The following CACNG1 variants were observed in gnomAD, a reference collection of about 807,000 sequenced individuals.
CACNG1 encodes calcium voltage-gated channel auxiliary subunit gamma 1, also known as voltage-dependent calcium channel gamma-1 subunit.
A neutral mutation model predicts 22.0 loss-of-function variants in CACNG1; 21 were observed. That is an observed-to-expected ratio of 0.95 (90% CI 0.68 to 1.37). The LOEUF (loss-of-function observed/expected upper bound fraction) is 1.37, where lower values mean the gene tolerates loss of function less well. Ranked by LOEUF, CACNG1 falls within the 40% of genes most tolerant of loss-of-function variation. The pLI is 0.00. For missense variants in CACNG1, 291 were observed against 308.6 expected, an observed-to-expected ratio of 0.94 and a Z score of 0.43; for synonymous variants, 127 against 129.2, an observed-to-expected ratio of 0.98 and a Z score of 0.12.
intron 1 of CACNG1, among the ~76,000 whole-genome samples, chr17:67,045,356 T>G (rs1867320522): frequency 6.6e-6 from 1 of 151,918 alleles, no homozygotes; most frequent in Non-Finnish European, 1.5e-5. Flanking sequence ...AGAATGAAAA[T>G]GCAGGGTTCC....
chr17:67,054,196 C>A lies in CACNG1; in HGVS notation c.304+126C>A. ...GCCTGATGAGAAGAAGCCTGTGGTG[C>A]ATTTGAACAACAGCCTTGTCAGCTC... On this transcript the variant is annotated intron_variant, in intron 2 of 3. Coordinates refer to ENST00000226021, the MANE Select transcript of CACNG1 (RefSeq NM_000727.4). This position sits in a 1 kb window ranked among gnomAD's most constrained non-coding sequence, Gnocchi z 4.6. 1.3e-6 allele frequency: 1 copy of A among 744,960 alleles called. No homozygotes were observed. Among genetic ancestry groups the A allele is most frequent in the South Asian group, 1.7e-5 (1 of 60,340 alleles). The allele number at this position is 744,960 out of a possible 1,614,324, so 46.1% of individuals were successfully genotyped here.
rs201378629 is a variant in CACNG1 at position 67,056,085 on chromosome 17, G to A, written c.483G>A (p.Ser161=). 227 of 1,612,492 alleles carry A rather than the reference G, an allele frequency of 1.4e-4. 1 individual carries two copies. Among genetic ancestry groups the A allele is most frequent in the East Asian group, 6.7e-5 (3 of 44,814 alleles). Residue 161 remains serine, a synonymous_variant, in exon 4 of 4, where the codon TCG becomes TCA. Transcript: ENST00000226021. The surrounding 1 kb of genome is among the most constrained non-coding windows in gnomAD (Gnocchi z 4.3). ...TCTCGGTGGAGGTCATGCGGCAGTCGGTGAAGCGCATGATTGACAGTGAGG... is the reference window on the plus strand; with the variant it reads ...TCTCGGTGGAGGTCATGCGGCAGTCAGTGAAGCGCATGATTGACAGTGAGG... ...ILVSVEVMRQ[S]VKRMIDSEDT... is the part of the protein sequence containing the mutation.
Position 67,054,433 on chromosome 17 carries a change from G to A in CACNG1, c.304+363G>A, listed in dbSNP as rs964517865. On this transcript the variant is annotated intron_variant, in intron 2 of 3. Coordinates refer to ENST00000226021, the MANE Select transcript of CACNG1 (RefSeq NM_000727.4). The surrounding 1 kb of genome is among the most constrained non-coding windows in gnomAD (Gnocchi z 4.6). ...GTGATAGTTAGAGTCTGCAGGGACA[G>A]TCTGAGTCCCTCCCTGGCCTAGAAA... 6.6e-6 allele frequency among the ~76,000 whole-genome samples: 1 copy of A among 152,236 alleles called. No homozygotes were observed. Among genetic ancestry groups the A allele is most frequent in the Non-Finnish European group, 1.5e-5 (1 of 68,044 alleles).
chr17:67,054,715 GAC>G lies in CACNG1; in HGVS notation c.305-382_305-381del, dbSNP rs199568856. ...ACACACGCATGATGACACACAAAAT[GAC>G]ACACAGTGACACAGACACACACTGA... is the stretch of plus-strand genomic sequence containing the variant. On this transcript the variant is annotated intron_variant, in intron 2 of 3. Coordinates refer to ENST00000226021, the MANE Select transcript of CACNG1 (RefSeq NM_000727.4). The surrounding 1 kb of genome is among the most constrained non-coding windows in gnomAD (Gnocchi z 4.6). Among the ~76,000 whole-genome samples the G allele has an allele frequency of 3.7e-4, 39 of 104,438 alleles. No homozygotes were observed. In the East Asian group the frequency reaches 8.3e-3, roughly 22 times the overall value. The allele number at this position is 104,438 out of a possible 152,430, so 68.5% of individuals were successfully genotyped here.
At position 67,055,256 on chromosome 17, in the gene CACNG1, T is replaced by C; in HGVS notation, c.442+16T>C. ...GCCTTTGCAGGTAGACTGGGGGATC[T>C]GCCTGAGCGCCGGGGCCGGGGGACC... On this transcript the variant is annotated intron_variant, in intron 3 of 3. Transcript: ENST00000226021. This position sits in a 1 kb window ranked among gnomAD's most constrained non-coding sequence, Gnocchi z 4.5. 1 of 1,606,962 alleles carries C rather than the reference T, an allele frequency of 6.2e-7. No individual in the cohort carries two copies. The highest frequency in any genetic ancestry group is 8.5e-7 in the Non-Finnish European group (1 of 1,174,694).
At position 67,055,301 on chromosome 17, in the gene CACNG1, G is replaced by C. The variant is rs896340966; in HGVS notation, c.442+61G>C. 2.6e-6 allele frequency: 4 copies of C among 1,558,098 alleles called. No homozygotes were observed. The highest frequency in any genetic ancestry group is 2.7e-5 in the African/African-American group (2 of 74,042). ...GGGACCATGTCGCGGGGGATTCTCC[G>C]CTCCACCCTCATGCCCACCGCGAGA... On this transcript the variant is annotated intron_variant, in intron 3 of 3. Coordinates refer to ENST00000226021, the MANE Select transcript of CACNG1 (RefSeq NM_000727.4). This position sits in a 1 kb window ranked among gnomAD's most constrained non-coding sequence, Gnocchi z 4.5.
chr17:67,054,944 GACAC>G lies in CACNG1; in HGVS notation c.305-153_305-150del, dbSNP rs1224750806. On this transcript the variant is annotated intron_variant, in intron 2 of 3. Coordinates refer to ENST00000226021, the MANE Select transcript of CACNG1 (RefSeq NM_000727.4). The surrounding 1 kb of genome is among the most constrained non-coding windows in gnomAD (Gnocchi z 4.6). ...ACACACACAGATACACACATACAATGACACACACAAGACAGACACAGAGACACAC... is the reference window on the plus strand; with the variant it reads ...ACACACACAGATACACACATACAATGACACAAGACAGACACAGAGACACAC... Among the ~76,000 whole-genome samples the G allele has an allele frequency of 6.7e-6, 1 of 149,916 alleles. No homozygotes were observed. Among genetic ancestry groups the G allele is most frequent in the South Asian group, 2.1e-4 (1 of 4,652 alleles).
At position 67,044,664 on chromosome 17, in the gene CACNG1, T is replaced by C. The variant is rs763786665; in HGVS notation, c.4T>C (p.Ser2Pro). 1.7e-5 allele frequency: 28 copies of C among 1,603,754 alleles called. No individual in the cohort carries two copies. The highest frequency in any genetic ancestry group is 1.5e-5 in the Non-Finnish European group (18 of 1,179,094). ...CACCCACGCCTCGGCGACCACCATG[T>C]CCCAGACCAAAATGCTGAAGGTCCG... M[S>P]QTKMLKVRVT... The change falls in exon 1 of 4, where the codon TCC becomes CCC. Residue 2 changes from serine to proline, a missense_variant. Ser to Pro is a moderately conservative substitution (Grantham distance 74). Transcript: ENST00000226021. This position sits in a 1 kb window ranked among gnomAD's most constrained non-coding sequence, Gnocchi z 6.9.
intron 1 of CACNG1, among the ~76,000 whole-genome samples, chr17:67,052,456 T>C (rs1334502058): frequency 6.6e-6 from 1 of 152,162 alleles, no homozygotes; most frequent in East Asian, 1.9e-4. Context: ...AAAGAAAGTC[T>C]TCATCCCAAA....
intron 1 of CACNG1, among the ~76,000 whole-genome samples, chr17:67,051,521 C>T (rs1042530979): frequency 5.3e-5 from 8 of 152,214 alleles, no homozygotes; most frequent in Non-Finnish European, 1.0e-4. Context: ...CATCAGTCCT[C>T]AGGCCCCCAG....
Position 67,052,796 on chromosome 17 carries a change from A to G in CACNG1, c.230-1200A>G, listed in dbSNP as rs146115524. On this transcript the variant is annotated intron_variant, in intron 1 of 3. Coordinates refer to ENST00000226021, the MANE Select transcript of CACNG1 (RefSeq NM_000727.4). Reference sequence around the variant, plus strand: ...AGACTGTGCTTTTTTTTTTTTTGAGACAGAGTCCCACTCTGTCACCCAGGC... The same window carrying G: ...AGACTGTGCTTTTTTTTTTTTTGAGGCAGAGTCCCACTCTGTCACCCAGGC... Among the ~76,000 whole-genome samples the G allele has an allele frequency of 6.3e-3, 954 of 150,482 alleles. 15 individuals carry two copies. The highest frequency in any genetic ancestry group is 0.023 in the African/African-American group (931 of 40,982).
intron 1 of CACNG1, among the ~76,000 whole-genome samples, chr17:67,046,950 G>A (rs1352389717): frequency 1.3e-5 from 2 of 152,146 alleles, no homozygotes; most frequent in Non-Finnish European, 2.9e-5. Context: ...TTGTGACACT[G>A]AGCACTACCT....
chr17:67,045,361 G>T (rs1419662290), intron 1 of CACNG1, among the ~76,000 whole-genome samples: 1 of 152,082 alleles, frequency 6.6e-6, no homozygotes, highest in African/African-American at 2.4e-5. Context: ...GAAAATGCAG[G>T]GTTCCTTGCT....
In CACNG1 at chr17:67,054,525, C is replaced by G. The variant is rs992412320; in HGVS notation, c.304+455C>G. Among the ~76,000 whole-genome samples, 1 of 152,130 alleles carries G rather than the reference C, an allele frequency of 6.6e-6. No homozygotes were observed. Among genetic ancestry groups the G allele is most frequent in the African/African-American group, 2.4e-5 (1 of 41,408 alleles). ...CTTTTCAGGATCCGCAGAGCTCAGA[C>G]GCACACCCATTGTCGGGAGTACAGA... On this transcript the variant is annotated intron_variant, in intron 2 of 3. Transcript: ENST00000226021. This position sits in a 1 kb window ranked among gnomAD's most constrained non-coding sequence, Gnocchi z 4.6.
rs768735643 is a variant in CACNG1 at position 67,056,228 on chromosome 17, G to A, written c.626G>A (p.Arg209Gln). The A allele has an allele frequency of 2.0e-5, 33 of 1,613,826 alleles. No homozygotes were observed. Among genetic ancestry groups the A allele is most frequent in the Middle Eastern group, 1.6e-4 (1 of 6,082 alleles). ...CTGTTCTCCCTGCCTCGAATGCCCC[G>A]GAACCCATGGGAGTCCTGCATGGAT... ...LLLFSLPRMP[R>Q]NPWESCMDAE... The change falls in exon 4 of 4, where the codon CGG becomes CAG. Residue 209 changes from arginine (R) to glutamine (Q), a missense_variant. By Grantham distance (43) the Arg-to-Gln change is conservative. Transcript: ENST00000226021. This position sits in a 1 kb window ranked among gnomAD's most constrained non-coding sequence, Gnocchi z 4.3.
chr17:67,044,984 T>G lies in CACNG1; in HGVS notation c.229+95T>G, dbSNP rs2035687818. 5 of 987,040 alleles carry G rather than the reference T, an allele frequency of 5.1e-6. No homozygotes were observed. Among genetic ancestry groups the G allele is most frequent in the Non-Finnish European group, 7.6e-6 (5 of 658,480 alleles). The allele number at this position is 987,040 out of a possible 1,614,324, so 61.1% of individuals were successfully genotyped here. On this transcript the variant is annotated intron_variant, in intron 1 of 3. Coordinates refer to ENST00000226021, the MANE Select transcript of CACNG1 (RefSeq NM_000727.4). The surrounding 1 kb of genome is among the most constrained non-coding windows in gnomAD (Gnocchi z 6.9). Reference sequence around the variant, plus strand: ...CCTTGCGAAGGAAGGCAGGTTTCTCTGCCTAGAAATAGGGCAGCCGCCCAG... The same window carrying G: ...CCTTGCGAAGGAAGGCAGGTTTCTCGGCCTAGAAATAGGGCAGCCGCCCAG...
In CACNG1 at chr17:67,054,172, C is replaced by A; in HGVS notation, c.304+102C>A. ...TGGCAAAAGCACTGACTTCCTCACG[C>A]CTGATGAGAAGAAGCCTGTGGTGCA... On this transcript the variant is annotated intron_variant, in intron 2 of 3. Coordinates refer to ENST00000226021, the MANE Select transcript of CACNG1 (RefSeq NM_000727.4). The surrounding 1 kb of genome is among the most constrained non-coding windows in gnomAD (Gnocchi z 4.6). The A allele has an allele frequency of 3.2e-6, 3 of 932,530 alleles. No individual in the cohort carries two copies. Among genetic ancestry groups the A allele is most frequent in the Non-Finnish European group, 5.3e-6 (3 of 568,794 alleles). 57.8% of individuals were successfully genotyped at this position (932,530 alleles called of 1,614,324 possible). A position where few individuals can be genotyped will look rare whatever the true frequency, so the allele number is the denominator to read the frequency against.
At chr17:67,045,031 G>C (rs1264482108) in intron 1 of CACNG1, 142 bp downstream of exon 1, 1 of 678,600 alleles carries the variant, frequency 1.5e-6, no homozygotes, top group Non-Finnish European at 2.5e-6. Context: ...CAGGGAAGAA[G>C]ATATGAATTG....
chr17:67,050,194 G>A (rs2035720485), intron 1 of CACNG1, among the ~76,000 whole-genome samples: 1 of 152,256 alleles, frequency 6.6e-6, no homozygotes, highest in Non-Finnish European at 1.5e-5. Flanking sequence ...TCTTCTCTCA[G>A]TGCGGGAACT....
Sources: gnomAD v4.1 joint callset for allele counts (sites outside exome capture counted in the v4.1 genomes callset) on GRCh38, gnomAD v4.1.1 for gene constraint, Gnocchi (gnomAD v3.1) non-coding constraint, MANE v1.5 for transcripts, NCBI Gene and HGNC (gene_info 2026-07-23, HGNC 2026-07-21) for gene names.